UNC13C: variants seen among roughly 807,000 people sequenced by gnomAD.
UNC13C encodes the protein unc-13 homolog C.
In UNC13C, 174 loss-of-function variants were observed where a neutral mutation model predicts 245.4. That is an observed-to-expected ratio of 0.71 (90% CI 0.63 to 0.80). The LOEUF (loss-of-function observed/expected upper bound fraction) is 0.80, where lower values mean the gene tolerates loss of function less well. UNC13C is among the 30% of genes least tolerant of loss of function. The pLI, the probability that UNC13C is intolerant of heterozygous loss-of-function variation, is 0.00. For missense variants in UNC13C, 2,829 were observed against 2,602.9 expected (o/e 1.09, Z -1.89); for synonymous variants, 992 against 895.1 (o/e 1.11, Z -1.93).
chr15:54,362,161 C>T (rs28489023), intron 17 of UNC13C, among the ~76,000 whole-genome samples: 32,489 of 152,152 alleles, frequency 0.21, 3,581 homozygotes, highest in Middle Eastern at 0.27. Context: ...TGATAAAAGA[C>T]GTACTCTTTA....
At chr15:54,127,365 C>G (rs1213510661) in intron 2 of UNC13C, among the ~76,000 whole-genome samples, 1 of 152,054 alleles carries the variant, frequency 6.6e-6, no homozygotes, top group Non-Finnish European at 1.5e-5. Context: ...CGATGGAATA[C>G]TATGTAGCCA....
intron 4 of UNC13C, among the ~76,000 whole-genome samples, chr15:54,192,789 A>C (rs1376243179): frequency 1.3e-5 from 2 of 152,056 alleles, no homozygotes; most frequent in African/African-American, 4.8e-5. Flanking sequence ...TGTATTTGCC[A>C]GTCCTTTCTC....
intron 4 of UNC13C, among the ~76,000 whole-genome samples, chr15:54,215,482 C>A (rs992942714): frequency 6.6e-6 from 1 of 151,898 alleles, no homozygotes; most frequent in Admixed American, 6.6e-5. Context: ...GAGGTAGTCA[C>A]CACTTCTGAA....
intron 18 of UNC13C, among the ~76,000 whole-genome samples, chr15:54,405,168 C>T (rs969888579): frequency 8.5e-5 from 13 of 152,248 alleles, no homozygotes; most frequent in African/African-American, 2.2e-4. Flanking sequence ...GCCCTAGAAA[C>T]AGTCCCAAGT....
At chr15:53,956,521 A>G in the UNC13C span, among the ~76,000 whole-genome samples, 2 of 145,940 alleles carry the variant, frequency 1.4e-5, no homozygotes, top group Non-Finnish European at 3.0e-5. Context: ...GGGTTTGTCT[A>G]TAAAACAAAA....
At chr15:54,340,546 C>A (rs1244306771) in intron 17 of UNC13C, among the ~76,000 whole-genome samples, 1 of 152,150 alleles carries the variant, frequency 6.6e-6, no homozygotes, top group African/African-American at 2.4e-5. Flanking sequence ...ATAGGGTATT[C>A]TTTCCCTACT....
intron 4 of UNC13C, among the ~76,000 whole-genome samples, chr15:54,230,694 GAAAC>G (rs778735065): frequency 2.6e-5 from 4 of 151,776 alleles, no homozygotes; most frequent in Non-Finnish European, 5.9e-5. Context: ...AAAGAACTGA[GAAAC>G]AAAAGAAAAC....
chr15:54,237,191 C>A (rs892399833), intron 6 of UNC13C, among the ~76,000 whole-genome samples: 2 of 152,098 alleles, frequency 1.3e-5, no homozygotes, highest in African/African-American at 4.8e-5. Context: ...AACTCAGGAA[C>A]CATCTAATAC....
chr15:53,930,324 A>T, the UNC13C span, among the ~76,000 whole-genome samples: 3 of 152,112 alleles, frequency 2.0e-5, no homozygotes, highest in African/African-American at 7.2e-5. Context: ...AGCCCCTACC[A>T]TTGCATTCTA....
intron 17 of UNC13C, among the ~76,000 whole-genome samples, chr15:54,376,543 C>T (rs2039610997): frequency 6.6e-6 from 1 of 152,122 alleles, no homozygotes; most frequent in African/African-American, 2.4e-5. Context: ...GTCTAAAAAT[C>T]AGTCTGACTG....
At chr15:54,286,750 GAT>G (rs2037160505) in intron 10 of UNC13C, among the ~76,000 whole-genome samples, 1 of 152,162 alleles carries the variant, frequency 6.6e-6, no homozygotes, top group African/African-American at 2.4e-5. Flanking sequence ...CCAAATAAGT[GAT>G]TGGCTCTGCA....
chr15:54,141,926 A>G lies in UNC13C; in HGVS notation c.2984-1092A>G, dbSNP rs563776169. On this transcript the variant is annotated intron_variant, in intron 2 of 32. Transcript: ENST00000260323. Reference sequence around the variant, plus strand: ...TAATGCATTTCAGATTTTCATCTGTAAGGGTCATCATTGAGCTACATGACC... The same window carrying G: ...TAATGCATTTCAGATTTTCATCTGTGAGGGTCATCATTGAGCTACATGACC... Among the ~76,000 whole-genome samples the G allele has an allele frequency of 3.9e-5, 6 of 152,278 alleles. No individual in the cohort carries two copies. In the East Asian group the frequency reaches 1.2e-3, roughly 29 times the overall value.
chr15:54,408,613 G>T (rs937156572), intron 18 of UNC13C, among the ~76,000 whole-genome samples: 10 of 151,976 alleles, frequency 6.6e-5, no homozygotes, highest in African/African-American at 2.4e-4. Context: ...CAGGCTGTAT[G>T]AAGTAGAAAA....
At chr15:54,273,179 A>T (rs1596123488) in intron 10 of UNC13C, among the ~76,000 whole-genome samples, 1 of 152,332 alleles carries the variant, frequency 6.6e-6, no homozygotes, top group Middle Eastern at 3.4e-3. Flanking sequence ...ACAAATTTTA[A>T]TATATGAGAA....
chr15:54,357,552 T>C (rs1028806818), intron 17 of UNC13C, among the ~76,000 whole-genome samples: 1 of 152,062 alleles, frequency 6.6e-6, no homozygotes, highest in Non-Finnish European at 1.5e-5. Context: ...TTTTGTACAC[T>C]GATAAATATT....
At chr15:53,917,812 C>A in the UNC13C span, among the ~76,000 whole-genome samples, 1 of 152,134 alleles carries the variant, frequency 6.6e-6, no homozygotes, top group African/African-American at 2.4e-5. Flanking sequence ...AATTCTTTGT[C>A]ACTTTCATTG....
chr15:54,200,721 G>A (rs976027974), intron 4 of UNC13C, among the ~76,000 whole-genome samples: 4 of 151,924 alleles, frequency 2.6e-5, no homozygotes, highest in African/African-American at 9.7e-5. Flanking sequence ...TCAAGAGTCT[G>A]AAAGAGCACT....
In UNC13C at chr15:54,379,005, T is replaced by C. The variant is rs76663578; in HGVS notation, c.4714-14043T>C. Among the ~76,000 whole-genome samples, 1,511 of 152,200 alleles carry C rather than the reference T, an allele frequency of 9.9e-3. 31 individuals carry two copies. Among genetic ancestry groups the C allele is most frequent in the African/African-American group, 0.035 (1,437 of 41,566 alleles). On this transcript the variant is annotated intron_variant, in intron 17 of 32. Transcript: ENST00000260323. ...CCTGTAAAGACTATTGAATATTTTA[T>C]GGTAATGAAACTGAAATACTCTAAT...
At chr15:54,221,006 C>T (rs773219278) in intron 4 of UNC13C, among the ~76,000 whole-genome samples, 2 of 152,022 alleles carry the variant, frequency 1.3e-5, no homozygotes, top group Non-Finnish European at 2.9e-5. Context: ...GAAAACGTCC[C>T]ACACGTTGAC....
Sources: gnomAD v4.1 joint callset for allele counts (sites outside exome capture counted in the v4.1 genomes callset) on GRCh38, gnomAD v4.1.1 for gene constraint, MANE v1.5 for transcripts, NCBI Gene and HGNC (gene_info 2026-07-23, HGNC 2026-07-21) for gene names.